Variants in GRK5 observed in about 807,000 individuals in gnomAD.
GRK5 encodes the protein G protein-coupled receptor kinase 5.
GRK5 carries 40 observed loss-of-function variants against 78.4 expected under a neutral mutation model. That is an observed-to-expected ratio of 0.51 (90% CI 0.40 to 0.66). The LOEUF (loss-of-function observed/expected upper bound fraction) is 0.66, where lower values mean the gene tolerates loss of function less well. Ranked by LOEUF, GRK5 falls within the 30% of genes least tolerant of loss-of-function variation. The pLI is 0.00. For missense variants in GRK5, 598 were observed against 759.9 expected, an observed-to-expected ratio of 0.79 and a Z score of 2.50; for synonymous variants, 289 against 296.8, an observed-to-expected ratio of 0.97 and a Z score of 0.27.
chr10:119,250,419 G>T (rs1849180613), intron 1 of GRK5, among the ~76,000 whole-genome samples: 1 of 151,748 alleles, frequency 6.6e-6, no homozygotes, highest in Non-Finnish European at 1.5e-5. Flanking sequence ...TTTGAGGCAG[G>T]GTCTCGCTCT....
At chr10:119,261,199 G>A (rs1677589817) in intron 1 of GRK5, among the ~76,000 whole-genome samples, 1 of 150,498 alleles carries the variant, frequency 6.6e-6, no homozygotes, top group Non-Finnish European at 1.5e-5. Flanking sequence ...CTGCCGGGCG[G>A]AGGGTCTCCT....
chr10:119,292,831 A>C (rs1850008157), intron 1 of GRK5, among the ~76,000 whole-genome samples: 1 of 149,694 alleles, frequency 6.7e-6, no homozygotes, highest in Non-Finnish European at 1.5e-5. Flanking sequence ...AAGTCCATAC[A>C]TATTCAGTAC....
intron 1 of GRK5, among the ~76,000 whole-genome samples, chr10:119,266,481 T>C (rs937824585): frequency 1.3e-5 from 2 of 151,360 alleles, no homozygotes; most frequent in Non-Finnish European, 2.9e-5. Context: ...AAAGAAATGA[T>C]GCTGGTTGTT....
At chr10:119,340,426 C>T (rs1023957165) in intron 2 of GRK5, among the ~76,000 whole-genome samples, 1 of 152,228 alleles carries the variant, frequency 6.6e-6, no homozygotes, top group African/African-American at 2.4e-5. Flanking sequence ...CCATGCCCAG[C>T]CCCAAAACTT....
chr10:119,453,286 C>A lies in GRK5; in HGVS notation c.1674+10C>A. The A allele has an allele frequency of 6.2e-7, 1 of 1,613,722 alleles. No homozygotes were observed. The highest frequency in any genetic ancestry group is 8.5e-7 in the Non-Finnish European group (1 of 1,179,944). On this transcript the variant is annotated intron_variant, in intron 15 of 15. Coordinates refer to ENST00000392870, the MANE Select transcript of GRK5 (RefSeq NM_005308.3). ...ACTCTTCAAGCGGCAGGTGAGACAC[C>A]CATGCCTGGCCAGTCCTGGCATCAG...
At position 119,458,958 on chromosome 10, in the gene GRK5, C is replaced by G. The variant is rs1174177057; in HGVS notation, c.*3891C>G. On this transcript the variant is annotated 3_prime_UTR_variant, in exon 16 of 16. Transcript: ENST00000392870. ...AATCTCTGAGAAGAAGAGGAAACAC[C>G]TGAGTGACACTCAGCTGTCCTCTGG... 1 of 152,182 alleles carries G rather than the reference C, an allele frequency of 6.6e-6. No homozygotes were observed. The highest frequency in any genetic ancestry group is 1.5e-5 in the Non-Finnish European group (1 of 68,022). 9.4% of individuals were successfully genotyped at this position (152,182 alleles called of 1,614,324 possible).
rs571681163 is a variant in GRK5, at chr10:119,430,036, C to T, written c.534-339C>T. Among the ~76,000 whole-genome samples, 3 of 152,168 alleles carry T rather than the reference C, an allele frequency of 2.0e-5. No homozygotes were observed. The highest frequency in any genetic ancestry group is 2.9e-5 in the Non-Finnish European group (2 of 68,034). ...GAAGGCACAGCTTCCTTCTGAGTTT[C>T]GCCGCATGATTTGCAGAGAGAGGAG... On this transcript the variant is annotated intron_variant, in intron 6 of 15. Coordinates refer to ENST00000392870, the MANE Select transcript of GRK5 (RefSeq NM_005308.3). This position sits in a 1 kb window ranked among gnomAD's most constrained non-coding sequence, Gnocchi z 4.5.
At chr10:119,372,318 T>C (rs998482656) in intron 2 of GRK5, among the ~76,000 whole-genome samples, 7 of 152,218 alleles carry the variant, frequency 4.6e-5, no homozygotes, top group African/African-American at 1.4e-4. Flanking sequence ...GCTATAGATA[T>C]AGGCATTCTA....
chr10:119,453,499 TC>T (rs1214750060), intron 15 of GRK5, among the ~76,000 whole-genome samples: 1 of 152,172 alleles, frequency 6.6e-6, no homozygotes, highest in Non-Finnish European at 1.5e-5. Context: ...TCACCCTCCC[TC>T]TGGGTTTCTC....
intron 2 of GRK5, among the ~76,000 whole-genome samples, chr10:119,337,713 G>A (rs369812714): frequency 2.6e-4 from 39 of 152,108 alleles, no homozygotes; most frequent in East Asian, 9.7e-4. Flanking sequence ...TCCACCTCCC[G>A]GGTTCAAGCA....
At chr10:119,308,515 A>G (rs1451414042) in intron 1 of GRK5, among the ~76,000 whole-genome samples, 1 of 152,134 alleles carries the variant, frequency 6.6e-6, no homozygotes, top group Non-Finnish European at 1.5e-5. Flanking sequence ...AGCCCACTCC[A>G]TGGAGCTTCC....
At chr10:119,395,446 G>A (rs1175024470) in intron 3 of GRK5, among the ~76,000 whole-genome samples, 1 of 152,184 alleles carries the variant, frequency 6.6e-6, no homozygotes, top group African/African-American at 2.4e-5. Context: ...TGACTGCATG[G>A]TGGGACGCCT....
chr10:119,213,571 C>T (rs1324980948), intron 1 of GRK5, among the ~76,000 whole-genome samples: 1 of 152,070 alleles, frequency 6.6e-6, no homozygotes, highest in Non-Finnish European at 1.5e-5. Flanking sequence ...TTGATTTCCA[C>T]TTTAAAACAT....
chr10:119,434,597 G>C (rs377593758), intron 8 of GRK5, among the ~76,000 whole-genome samples: 1 of 152,232 alleles, frequency 6.6e-6, no homozygotes. Context: ...ATGCCAAGAC[G>C]TGGGTTCCCA....
intron 4 of GRK5, among the ~76,000 whole-genome samples, chr10:119,411,254 G>A (rs943096782): frequency 1.3e-5 from 2 of 152,210 alleles, no homozygotes; most frequent in African/African-American, 4.8e-5. Flanking sequence ...GAGTGGTGGT[G>A]TGTGTCTGCA....
chr10:119,231,706 CAAA>C (rs797013887), intron 1 of GRK5, among the ~76,000 whole-genome samples: 3 of 60,672 alleles, frequency 4.9e-5, no homozygotes, highest in Admixed American at 1.7e-4. Flanking sequence ...GACTCTGCCT[CAAA>C]AAAAAAAAAA....
chr10:119,317,347 G>GGT (rs3064482), intron 1 of GRK5, among the ~76,000 whole-genome samples: 2,216 of 142,474 alleles, frequency 0.016, 17 homozygotes, highest in African/African-American at 0.021. Flanking sequence ...TCAGTAGATG[G>GGT]GTGTGTGTGT....
At chr10:119,243,165 A>G (rs1849053242) in intron 1 of GRK5, among the ~76,000 whole-genome samples, 1 of 152,132 alleles carries the variant, frequency 6.6e-6, no homozygotes, top group African/African-American at 2.4e-5. Flanking sequence ...TGAACCTGGG[A>G]GGTGGAAGTT....
chr10:119,428,502 A>C (rs1024873285), intron 6 of GRK5, among the ~76,000 whole-genome samples: 1 of 152,206 alleles, frequency 6.6e-6, no homozygotes, highest in Non-Finnish European at 1.5e-5. Flanking sequence ...AGGCCTTCTC[A>C]TGATCATTTT....
Sources: gnomAD v4.1 joint callset for allele counts (sites outside exome capture counted in the v4.1 genomes callset) on GRCh38, gnomAD v4.1.1 for gene constraint, Gnocchi (gnomAD v3.1) non-coding constraint, MANE v1.5 for transcripts, NCBI Gene and HGNC (gene_info 2026-07-23, HGNC 2026-07-21) for gene names.